MACROD2: variants seen among roughly 807,000 people sequenced by gnomAD.
The protein encoded by MACROD2 is mono-ADP ribosylhydrolase 2.
MACROD2 carries 36 observed loss-of-function variants against 70.4 expected under a neutral mutation model. The observed-to-expected ratio is 0.51, with a 90% confidence interval of 0.39 to 0.68. The LOEUF is 0.68. MACROD2 is among the 30% of genes least tolerant of loss of function. MACROD2 has a pLI of 0.00. For missense variants in MACROD2, 496 were observed against 538.4 expected, an observed-to-expected ratio of 0.92 and a Z score of 0.78; for synonymous variants, 172 against 178.8, an observed-to-expected ratio of 0.96 and a Z score of 0.30.
intron 5 of MACROD2, among the ~76,000 whole-genome samples, chr20:15,129,408 T>G (rs888260003): frequency 2.0e-5 from 3 of 152,082 alleles, no homozygotes; most frequent in South Asian, 4.1e-4. Context: ...ATTTTATTTC[T>G]TTATTCCTCC....
intron 5 of MACROD2, among the ~76,000 whole-genome samples, chr20:15,091,285 G>A (rs1027549400): frequency 1.3e-5 from 2 of 151,596 alleles, no homozygotes; most frequent in African/African-American, 2.4e-5. Flanking sequence ...TTACTTTGGG[G>A]GAATCCAAAC....
intron 6 of MACROD2, among the ~76,000 whole-genome samples, chr20:15,320,635 G>A (rs1371081872): frequency 6.6e-6 from 1 of 152,140 alleles, no homozygotes; most frequent in African/African-American, 2.4e-5. Flanking sequence ...TTAATGAAGG[G>A]TAAGTAATAC....
At chr20:15,525,061 C>T (rs1349931108) in intron 8 of MACROD2, among the ~76,000 whole-genome samples, 3 of 152,150 alleles carry the variant, frequency 2.0e-5, no homozygotes, top group Admixed American at 6.5e-5. Context: ...AGCTTGTTTG[C>T]TTTGCTTAGG....
chr20:15,555,175 G>C (rs2048149905), intron 8 of MACROD2, among the ~76,000 whole-genome samples: 1 of 152,126 alleles, frequency 6.6e-6, no homozygotes, highest in Non-Finnish European at 1.5e-5. Flanking sequence ...GGCGGCCAGG[G>C]GTGGAAGCTT....
intron 6 of MACROD2, among the ~76,000 whole-genome samples, chr20:15,385,685 A>G (rs2045703479): frequency 6.6e-6 from 1 of 152,158 alleles, no homozygotes; most frequent in South Asian, 2.1e-4. Context: ...TTATGGCTTT[A>G]TTAGTTTCCC....
chr20:14,784,008 T>C (rs2072333459), intron 5 of MACROD2, among the ~76,000 whole-genome samples: 1 of 152,048 alleles, frequency 6.6e-6, no homozygotes, highest in Non-Finnish European at 1.5e-5. Flanking sequence ...ATAAATAAAA[T>C]GCAGGTACTA....
intron 15 of MACROD2, among the ~76,000 whole-genome samples, chr20:16,009,021 C>G (rs931219291): frequency 6.6e-6 from 1 of 151,822 alleles, no homozygotes; most frequent in Non-Finnish European, 1.5e-5. Flanking sequence ...TGCAGCTGAT[C>G]AAGAAAAATT....
intron 4 of MACROD2, among the ~76,000 whole-genome samples, chr20:14,501,719 A>T (rs2084917061): frequency 6.6e-6 from 1 of 152,164 alleles, no homozygotes; most frequent in African/African-American, 2.4e-5. Context: ...AAAGATAGGA[A>T]TTAAAGGTTG....
At chr20:15,908,357 A>C (rs2065181030) in intron 10 of MACROD2, among the ~76,000 whole-genome samples, 2 of 152,226 alleles carry the variant, frequency 1.3e-5, no homozygotes, top group African/African-American at 4.8e-5. Context: ...GCTTGGTTTC[A>C]GGTGACCACT....
chr20:15,218,077 A>AT (rs564075618), intron 5 of MACROD2, among the ~76,000 whole-genome samples: 2 of 152,100 alleles, frequency 1.3e-5, no homozygotes, highest in Admixed American at 6.5e-5. Context: ...AAAATGAGTT[A>AT]TTTTTTATTG....
At chr20:14,595,486 G>T (rs1162593550) in intron 4 of MACROD2, among the ~76,000 whole-genome samples, 1 of 152,108 alleles carries the variant, frequency 6.6e-6, no homozygotes, top group Non-Finnish European at 1.5e-5. Context: ...GCAGTTTTTA[G>T]TTTTTCCCGG....
At chr20:14,196,859 A>T (rs1056334046) in intron 3 of MACROD2, among the ~76,000 whole-genome samples, 4 of 152,240 alleles carry the variant, frequency 2.6e-5, no homozygotes, top group African/African-American at 7.2e-5. Context: ...AAAAACTAGA[A>T]ACTGATTTGA....
intron 5 of MACROD2, among the ~76,000 whole-genome samples, chr20:14,773,286 A>G (rs539974931): frequency 7.9e-5 from 12 of 152,208 alleles, no homozygotes; most frequent in Non-Finnish European, 1.3e-4. Flanking sequence ...CTATGCAATA[A>G]ATTCTCCCAA....
intron 5 of MACROD2, among the ~76,000 whole-genome samples, chr20:15,033,932 A>T (rs1305954162): frequency 6.6e-6 from 1 of 152,184 alleles, no homozygotes; most frequent in African/African-American, 2.4e-5. Flanking sequence ...TTTATTAATG[A>T]ATGAGAGTTC....
Position 15,854,927 on chromosome 20 carries a change from T to C in MACROD2, c.646-7818T>C, listed in dbSNP as rs175802. ...GCCACTGTTTTATGAAATCATCCCA[T>C]CCAACCCTGCACTGGTGAGACTGTT... is the stretch of plus-strand genomic sequence containing the variant. On this transcript the variant is annotated intron_variant, in intron 8 of 17. Coordinates refer to ENST00000684519, the MANE Select transcript of MACROD2 (RefSeq NM_001351661.2). Among the ~76,000 whole-genome samples, 348 of 152,288 alleles carry C rather than the reference T, an allele frequency of 2.3e-3. 5 individuals carry two copies. The highest frequency in any genetic ancestry group is 7.7e-3 in the African/African-American group (320 of 41,568).
At chr20:15,986,068 G>A (rs1345133360) in intron 13 of MACROD2, 3 of 152,184 alleles carry the variant, frequency 2.0e-5, no homozygotes, top group African/African-American at 4.8e-5. Flanking sequence ...GAATAACATC[G>A]GTTTCTAAGT....
chr20:15,855,923 A>G (rs944811136), intron 8 of MACROD2, among the ~76,000 whole-genome samples: 1 of 152,090 alleles, frequency 6.6e-6, no homozygotes, highest in Admixed American at 6.6e-5. Context: ...TATCCATTCT[A>G]TCATTTATGG....
intron 8 of MACROD2, among the ~76,000 whole-genome samples, chr20:15,706,167 G>C (rs1178479981): frequency 6.6e-6 from 1 of 152,176 alleles, no homozygotes; most frequent in East Asian, 1.9e-4. Context: ...CTCAGCTTTA[G>C]TAACTGCAAA....
intron 5 of MACROD2, among the ~76,000 whole-genome samples, chr20:14,947,212 A>G (rs1401921895): frequency 1.3e-5 from 2 of 152,214 alleles, no homozygotes; most frequent in African/African-American, 4.8e-5. Context: ...AAAGGCTCAC[A>G]TCTTTTAACA....
Sources: allele counts gnomAD v4.1 joint callset (sites outside exome capture counted in the v4.1 genomes callset), GRCh38; gene constraint gnomAD v4.1.1; transcripts MANE v1.5; gene names NCBI Gene and HGNC (gene_info 2026-07-23, HGNC 2026-07-21).